The following ATR variants were observed in gnomAD, a reference collection of about 807,000 sequenced individuals.
ATR encodes serine/threonine-protein kinase ATR.
A neutral mutation model predicts 305.3 loss-of-function variants in ATR; 142 were observed. The ratio of observed to expected loss-of-function variants is 0.47; its 90% confidence interval spans 0.41 to 0.53. The LOEUF is 0.53. Ranked by LOEUF, ATR falls within the 20% of genes least tolerant of loss-of-function variation. The pLI, the probability that ATR is intolerant of heterozygous loss-of-function variation, is 0.00. For synonymous variants in ATR, 1,050 were observed against 1,068.1 expected (o/e 0.98, Z 0.33); for missense variants, 2,135 against 3,133.1 (o/e 0.68, Z 7.60).
intron 21 of ATR, among the ~76,000 whole-genome samples, chr3:142,524,530 C>T (rs1340155857): frequency 6.6e-6 from 1 of 152,084 alleles, no homozygotes; most frequent in African/African-American, 2.4e-5. Context: ...AGACAAATAA[C>T]TAAAATATCA....
intron 23 of ATR, among the ~76,000 whole-genome samples, chr3:142,520,838 T>C (rs1284567557): frequency 1.3e-5 from 2 of 152,208 alleles, no homozygotes; most frequent in Non-Finnish European, 2.9e-5. Context: ...ATAGAGAAGC[T>C]GCAGCAAGTT....
At chr3:142,450,160 G>T in intron 46 of ATR, 49 of 385,128 alleles carry the variant, frequency 1.3e-4, no homozygotes, top group East Asian at 2.9e-4. Context: ...GGAGACTGTT[G>T]CTGTGCCATC....
At chr3:142,575,607 C>T (rs2035411700) in intron 1 of ATR, among the ~76,000 whole-genome samples, 1 of 152,206 alleles carries the variant, frequency 6.6e-6, no homozygotes, top group African/African-American at 2.4e-5. Context: ...TCAGAACCTC[C>T]TCCACATCCC....
intron 46 of ATR, 41 bp downstream of exon 46, chr3:142,453,087 A>G (rs2070828056): frequency 2.5e-6 from 4 of 1,613,186 alleles, no homozygotes; most frequent in Middle Eastern, 1.7e-4. Flanking sequence ...ATTTGTAGAG[A>G]TGAGGACTAC....
chr3:142,496,326 A>ATCTACATG (rs1553758709), intron 34 of ATR, 35 bp downstream of exon 34: 1 of 371,802 alleles, frequency 2.7e-6, no homozygotes, highest in African/African-American at 2.9e-5. Flanking sequence ...ATATATATAT[A>ATCTACATG]TATATATATA....
intron 15 of ATR, 148 bp downstream of exon 15, chr3:142,549,331 C>G: frequency 1.8e-6 from 1 of 566,190 alleles, no homozygotes; most frequent in Non-Finnish European, 2.9e-6. Context: ...GCTCTCAGGA[C>G]AAAGATTATT....
intron 13 of ATR, 105 bp from the exon 14 acceptor site, chr3:142,550,407 A>G: frequency 8.2e-7 from 1 of 1,222,686 alleles, no homozygotes; most frequent in South Asian, 1.2e-5. Context: ...ATTCTACATT[A>G]TCTGAATTGG....
chr3:142,472,142 T>C lies in ATR; in HGVS notation c.6222-1959A>G, dbSNP rs1001920584. 8 of 150,984 alleles carry C rather than the reference T, an allele frequency of 5.3e-5. 1 individual carries two copies. Among genetic ancestry groups the C allele is most frequent in the African/African-American group, 1.7e-4 (7 of 41,012 alleles). 9.4% of individuals were successfully genotyped at this position (150,984 alleles called of 1,614,324 possible). On this transcript the variant is annotated intron_variant, in intron 36 of 46. Coordinates refer to ENST00000350721, the MANE Select transcript of ATR (RefSeq NM_001184.4). The stretch of plus-strand genomic sequence containing the variant: ...GTGTGTGTATAAGTATACATACATA[T>C]GCCACATTTTCTTTATTCATTCCCA...
intron 36 of ATR, among the ~76,000 whole-genome samples, chr3:142,471,652 A>C (rs2071270571): frequency 6.6e-6 from 1 of 152,200 alleles, no homozygotes; most frequent in Non-Finnish European, 1.5e-5. Flanking sequence ...GTGTATATTT[A>C]TTGTGCACAT....
At chr3:142,547,193 G>A (rs2034299384) in intron 16 of ATR, among the ~76,000 whole-genome samples, 2 of 146,300 alleles carry the variant, frequency 1.4e-5, no homozygotes, top group African/African-American at 4.9e-5. Flanking sequence ...CAAATTTATG[G>A]TAGGGAAAGA....
At chr3:142,574,294 G>A (rs1291939118) in intron 1 of ATR, among the ~76,000 whole-genome samples, 9 of 150,902 alleles carry the variant, frequency 6.0e-5, no homozygotes, top group South Asian at 2.1e-4. Flanking sequence ...GTGAAACCCC[G>A]TCTACAAAAA....
chr3:142,459,596 C>T (rs2070981451), intron 42 of ATR, among the ~76,000 whole-genome samples: 1 of 151,928 alleles, frequency 6.6e-6, no homozygotes, highest in Admixed American at 6.6e-5. Context: ...TACAGATGAC[C>T]CTTGAACAAC....
chr3:142,559,561 A>T, intron 6 of ATR, 120 bp from the exon 7 acceptor site: 1 of 931,798 alleles, frequency 1.1e-6, no homozygotes, highest in Non-Finnish European at 1.7e-6. Context: ...ATAACAATTT[A>T]AAGTAAACAT....
chr3:142,469,460 T>C lies in ATR; in HGVS notation c.6429A>G (p.Ser2143=). 1 of 1,613,820 alleles carries C rather than the reference T, an allele frequency of 6.2e-7. No homozygotes were observed. The highest frequency in any genetic ancestry group is 1.1e-5 in the South Asian group (1 of 91,078). The change falls in exon 38 of 47, where the codon TCA becomes TCG. Residue 2143 remains serine (S), a synonymous_variant. Coordinates refer to ENST00000350721, the MANE Select transcript of ATR (RefSeq NM_001184.4). ...LAPYQFLTAF[S]QLISRICHSH... ...AATGACAAATTCGAGAGATCAATTGTGAAAAAGCAGTCAAAAATTGATATG... is the reference window on the plus strand; with the variant it reads ...AATGACAAATTCGAGAGATCAATTGCGAAAAAGCAGTCAAAAATTGATATG...
intron 32 of ATR, among the ~76,000 whole-genome samples, chr3:142,497,632 T>C (rs1356560022): frequency 1.3e-5 from 2 of 151,678 alleles, no homozygotes; most frequent in Admixed American, 6.6e-5. Flanking sequence ...TTAAAATAAA[T>C]ATTTAGGGAT....
intron 3 of ATR, among the ~76,000 whole-genome samples, chr3:142,564,723 C>T (rs2035005997): frequency 6.6e-6 from 1 of 152,002 alleles, no homozygotes; most frequent in Non-Finnish European, 1.5e-5. Flanking sequence ...ATAGTACTTA[C>T]TCTTATTACA....
In ATR at chr3:142,485,165, G is replaced by T. The variant is rs369309229; in HGVS notation, c.6196C>A (p.Arg2066=). The T allele has an allele frequency of 6.2e-7, 1 of 1,614,016 alleles. No individual in the cohort carries two copies. The change falls in exon 36 of 47, where the codon CGG becomes AGG. Residue 2066 remains arginine (R), a synonymous_variant. Coordinates refer to ENST00000350721, the MANE Select transcript of ATR (RefSeq NM_001184.4). Reference sequence around the variant, plus strand: ...CTGCCAAAATGAAGAACTATATACCGGATGAGATCACCTTGCTTTTCCATT... The same window carrying T: ...CTGCCAAAATGAAGAACTATATACCTGATGAGATCACCTTGCTTTTCCATT... The part of the protein sequence containing the change: ...NKMEKQGDLI[R]YIVLHFGRSL...
chr3:142,543,526 CCT>C (rs985787174), intron 16 of ATR, among the ~76,000 whole-genome samples: 2 of 147,618 alleles, frequency 1.4e-5, no homozygotes, highest in African/African-American at 5.0e-5. Context: ...TTTCTTTCTT[CCT>C]CTTTTACTTA....
chr3:142,568,063 C>T lies in ATR; in HGVS notation c.151G>A (p.Val51Ile). 6.3e-7 allele frequency: 1 copy of T among 1,598,654 alleles called. No individual in the cohort carries two copies. Among genetic ancestry groups the T allele is most frequent in the Non-Finnish European group, 8.5e-7 (1 of 1,170,728 alleles). The stretch of plus-strand genomic sequence containing the variant: ...ATATAAGAAATAATTGGTTTCTTAC[C>T]AACATTTACATCTGTAAGTATCCGG... Reference protein sequence around the residue: ...IDRILTDVNVVAVELVKKTDS... With the variant: ...IDRILTDVNVIAVELVKKTDS... Residue 51 changes from valine (V) to isoleucine (I), a missense_variant and splice_region_variant, in exon 2 of 47, where the codon GTT (valine) becomes ATT (isoleucine). Val to Ile is a conservative substitution (Grantham distance 29, BLOSUM62 3). Coordinates refer to ENST00000350721, the MANE Select transcript of ATR (RefSeq NM_001184.4).
Sources: allele counts gnomAD v4.1 joint callset (sites outside exome capture counted in the v4.1 genomes callset), GRCh38; gene constraint gnomAD v4.1.1; transcripts MANE v1.5; gene names NCBI Gene and HGNC (gene_info 2026-07-23, HGNC 2026-07-21).